The following FSTL4 variants were observed in gnomAD, a reference collection of about 807,000 sequenced individuals.
FSTL4 encodes follistatin-related protein 4.
Under a neutral mutation model 78.2 loss-of-function variants are expected in FSTL4, and 28 were observed. That is an observed-to-expected ratio of 0.36 (90% confidence interval 0.27 to 0.49). The LOEUF is 0.49. Ranked by LOEUF, FSTL4 falls within the 20% of genes least tolerant of loss-of-function variation. The pLI is 0.98. For missense variants in FSTL4, 922 were observed against 1,084.9 expected, an observed-to-expected ratio of 0.85 and a Z score of 2.11; for synonymous variants, 422 against 440.5, an observed-to-expected ratio of 0.96 and a Z score of 0.53.
intron 7 of FSTL4, among the ~76,000 whole-genome samples, chr5:133,242,765 A>G (rs1751916893): frequency 6.6e-6 from 1 of 152,242 alleles, no homozygotes; most frequent in Admixed American, 6.5e-5. Context: ...CACAAGCTAC[A>G]GAGAATTGGC....
chr5:133,759,717 C>T, the FSTL4 span, among the ~76,000 whole-genome samples: 12 of 152,116 alleles, frequency 7.9e-5, no homozygotes, highest in South Asian at 2.1e-4. Context: ...CTATTCATGC[C>T]GTGGGATATT....
At chr5:133,599,163 T>C (rs1173087592) in intron 2 of FSTL4, among the ~76,000 whole-genome samples, 1 of 152,100 alleles carries the variant, frequency 6.6e-6, no homozygotes, top group Non-Finnish European at 1.5e-5. Context: ...GTGAAAGTGT[T>C]TTTGTAAAAA....
At chr5:133,641,539 C>T in the FSTL4 span, among the ~76,000 whole-genome samples, 1 of 149,088 alleles carries the variant, frequency 6.7e-6, no homozygotes, top group Non-Finnish European at 1.5e-5. Context: ...ACCAACACTT[C>T]TACTCCAAAG....
chr5:133,305,559 T>C (rs995017637), intron 6 of FSTL4, among the ~76,000 whole-genome samples: 1 of 152,114 alleles, frequency 6.6e-6, no homozygotes, highest in African/African-American at 2.4e-5. Context: ...CCCAGGACGC[T>C]CTCTCTCAGC....
At chr5:133,674,783 A>G in the FSTL4 span, among the ~76,000 whole-genome samples, 29 of 152,242 alleles carry the variant, frequency 1.9e-4, no homozygotes, top group Non-Finnish European at 2.6e-4. Context: ...TGTGTGGGTA[A>G]TGAAAGGGGA....
At chr5:133,366,282 C>T (rs965228926) in intron 4 of FSTL4, among the ~76,000 whole-genome samples, 35 of 152,138 alleles carry the variant, frequency 2.3e-4, no homozygotes, top group African/African-American at 7.5e-4. Flanking sequence ...AGAGGCCTTC[C>T]GAGGATACCC....
the FSTL4 span, among the ~76,000 whole-genome samples, chr5:133,661,420 A>G: frequency 6.6e-6 from 1 of 152,260 alleles, no homozygotes; most frequent in African/African-American, 2.4e-5. Context: ...ATTAAACAGC[A>G]CCATGCCTGG....
chr5:133,241,915 A>G (rs1751885999), intron 7 of FSTL4, among the ~76,000 whole-genome samples: 1 of 152,232 alleles, frequency 6.6e-6, no homozygotes, highest in African/African-American at 2.4e-5. Flanking sequence ...GAGGATTTAA[A>G]TAAATTTCCT....
intron 6 of FSTL4, among the ~76,000 whole-genome samples, chr5:133,289,041 A>G (rs1351208874): frequency 6.6e-6 from 1 of 152,176 alleles, no homozygotes; most frequent in Non-Finnish European, 1.5e-5. Flanking sequence ...AGGGAGCTCC[A>G]CAGAGTGTAT....
At chr5:133,452,623 T>G (rs1397680490) in intron 3 of FSTL4, among the ~76,000 whole-genome samples, 1 of 152,238 alleles carries the variant, frequency 6.6e-6, no homozygotes, top group Non-Finnish European at 1.5e-5. Context: ...TCGTATTAAA[T>G]GTACTGTGTA....
At position 133,225,678 on chromosome 5, in the gene FSTL4, G is replaced by A; in HGVS notation, c.1157C>T (p.Ser386Phe). 6.2e-7 allele frequency: 1 copy of A among 1,604,096 alleles called. No homozygotes were observed. Among genetic ancestry groups the A allele is most frequent in the South Asian group, 1.1e-5 (1 of 89,238 alleles). The change falls in exon 9 of 16, where the codon TCC becomes TTC. Residue 386 changes from serine to phenylalanine, a missense_variant. Physicochemically the swap from Ser to Phe is radical, Grantham distance 155. Transcript: ENST00000265342. This position sits in a 1 kb window ranked among gnomAD's most constrained non-coding sequence, Gnocchi z 4.6. Reference sequence around the variant, plus strand: ...CTTACCTAAAAGGGAGAGCTGTTTGGACATCTGAGTTGAGACATCCACGCC... The same window carrying A: ...CTTACCTAAAAGGGAGAGCTGTTTGAACATCTGAGTTGAGACATCCACGCC... ...KNGVDVSTQM[S>F]KQLSLLANGS...
chr5:133,627,875 A>G, the FSTL4 span, among the ~76,000 whole-genome samples: 1 of 151,568 alleles, frequency 6.6e-6, no homozygotes, highest in South Asian at 2.1e-4. Flanking sequence ...TGCATTATTT[A>G]TATTTATTTT....
chr5:133,591,794 AGT>A (rs1233246546), intron 2 of FSTL4, among the ~76,000 whole-genome samples: 1 of 152,166 alleles, frequency 6.6e-6, no homozygotes, highest in African/African-American at 2.4e-5. Context: ...GAAGGGAGAC[AGT>A]GTGGCTCAGA....
At chr5:133,681,359 T>A in the FSTL4 span, among the ~76,000 whole-genome samples, 1 of 152,170 alleles carries the variant, frequency 6.6e-6, no homozygotes, top group African/African-American at 2.4e-5. Context: ...TCAGGGGGAT[T>A]GGAGGGGACT....
chr5:133,739,382 C>G, the FSTL4 span, among the ~76,000 whole-genome samples: 1 of 151,476 alleles, frequency 6.6e-6, no homozygotes, highest in Non-Finnish European at 1.5e-5. Context: ...CGTAGGGAGT[C>G]GCAGGCGAGG....
intron 3 of FSTL4, among the ~76,000 whole-genome samples, chr5:133,487,676 A>G (rs1260664685): frequency 2.6e-5 from 4 of 152,112 alleles, no homozygotes; most frequent in East Asian, 1.9e-4. Context: ...GCTTCTCCCT[A>G]TGCAGGTGCT....
the FSTL4 span, among the ~76,000 whole-genome samples, chr5:133,686,240 T>C: frequency 2.3e-4 from 35 of 152,228 alleles, no homozygotes; most frequent in African/African-American, 8.2e-4. Context: ...TTTCAGACTC[T>C]GTTCCTCTAC....
chr5:133,471,660 C>T (rs981963866), intron 3 of FSTL4, among the ~76,000 whole-genome samples: 1 of 152,190 alleles, frequency 6.6e-6, no homozygotes. Flanking sequence ...TTATCAGCTA[C>T]CCAGGCTATG....
intron 3 of FSTL4, among the ~76,000 whole-genome samples, chr5:133,438,098 A>G (rs1757073746): frequency 6.6e-6 from 1 of 152,216 alleles, no homozygotes; most frequent in Admixed American, 6.5e-5. Context: ...TTTATCAGTT[A>G]GGTGGAGCAT....
Sources: gnomAD v4.1 joint callset for allele counts (sites outside exome capture counted in the v4.1 genomes callset) on GRCh38, gnomAD v4.1.1 for gene constraint, Gnocchi (gnomAD v3.1) non-coding constraint, MANE v1.5 for transcripts, NCBI Gene and HGNC (gene_info 2026-07-23, HGNC 2026-07-21) for gene names.